Variants in LGR4 observed in about 807,000 individuals in gnomAD.
LGR4 encodes leucine-rich repeat-containing G protein-coupled receptor 4.
LGR4 carries 44 observed loss-of-function variants against 84.8 expected under a neutral mutation model. The ratio of observed to expected loss-of-function variants is 0.52; its 90% CI spans 0.41 to 0.67. The LOEUF (loss-of-function observed/expected upper bound fraction) is 0.67. Among genes scored for constraint, LGR4 ranks in the 30% least tolerant of loss-of-function variants. The probability of loss-of-function intolerance (pLI) is 0.00; values close to 1 mark genes in which losing one functional copy is unlikely to be tolerated. For missense variants in LGR4, 1,032 were observed against 1,131.4 expected (o/e 0.91, Z 1.26); for synonymous variants, 429 against 434.3 (o/e 0.99, Z 0.15).
rs1863001442 is a variant in LGR4 at position 27,377,231 on chromosome 11, CA to C, written c.1044-9del. The C allele has an allele frequency of 7.0e-7, 1 of 1,436,916 alleles. No homozygotes were observed. The highest frequency in any genetic ancestry group is 1.8e-5 in the Admixed American group (1 of 55,832). 89.0% of individuals were successfully genotyped at this position (1,436,916 alleles called of 1,614,324 possible). A position where few individuals can be genotyped will look rare whatever the true frequency, so the allele number is the denominator to read the frequency against. ...TTATTGTAAGACAAGTCCCTTAAAA[CA>C]ATGGAAATTAACAAATTAATGCTAT... is the stretch of plus-strand genomic sequence containing the variant. On this transcript the variant is annotated splice_polypyrimidine_tract_variant and intron_variant, in intron 11 of 17. Transcript: ENST00000379214.
intron 2 of LGR4, among the ~76,000 whole-genome samples, chr11:27,399,804 C>A (rs969740704): frequency 4.6e-5 from 7 of 152,282 alleles, no homozygotes; most frequent in Non-Finnish European, 1.0e-4. Flanking sequence ...CAGGCATGAG[C>A]CACCGCACCC....
chr11:27,389,759 G>A (rs968544988), intron 4 of LGR4, among the ~76,000 whole-genome samples: 1 of 152,148 alleles, frequency 6.6e-6, no homozygotes, highest in African/African-American at 2.4e-5. Flanking sequence ...GAGGTCAGAT[G>A]ACTTGTCCTG....
intron 14 of LGR4, 112 bp from the exon 15 acceptor site, chr11:27,373,788 G>C (rs115220147): frequency 8.9e-7 from 1 of 1,128,962 alleles, no homozygotes; most frequent in Non-Finnish European, 1.3e-6. Context: ...GTTCAAGTGG[G>C]GGTGCTAAAA....
intron 1 of LGR4, 92 bp from the exon 2 acceptor site, chr11:27,412,952 T>G (rs534613502): frequency 8.2e-6 from 7 of 853,484 alleles, no homozygotes; most frequent in Admixed American, 1.9e-5. Flanking sequence ...TGTTACAATT[T>G]TGTGAAAGAG....
At position 27,384,449 on chromosome 11, in the gene LGR4, A is replaced by C. The variant is rs1863151535; in HGVS notation, c.618-42T>G. On this transcript the variant is annotated intron_variant, in intron 5 of 17. Transcript: ENST00000379214. The stretch of plus-strand genomic sequence containing the variant: ...GCATAAAATGACTTTTCCATCTCCC[A>C]TTGGCAACTATTATCATTGTTTTAT... The C allele has an allele frequency of 2.3e-6, 3 of 1,285,986 alleles. No homozygotes were observed. In the East Asian group the frequency reaches 6.9e-5, roughly 30 times the overall value. The allele number at this position is 1,285,986 out of a possible 1,614,324, so 79.7% of individuals were successfully genotyped here. A position where few individuals can be genotyped will look rare whatever the true frequency, so the allele number is the denominator to read the frequency against.
At chr11:27,401,762 C>T (rs1863508803) in intron 2 of LGR4, among the ~76,000 whole-genome samples, 1 of 152,148 alleles carries the variant, frequency 6.6e-6, no homozygotes, top group Non-Finnish European at 1.5e-5. Flanking sequence ...TTAACCCCTC[C>T]CTCAATTTCA....
Position 27,372,276 on chromosome 11 carries a change from C to CA in LGR4, c.1495+6dup. 1.3e-6 allele frequency: 2 copies of CA among 1,523,006 alleles called. No homozygotes were observed. The highest frequency in any genetic ancestry group is 1.8e-6 in the Non-Finnish European group (2 of 1,097,318). The allele number at this position is 1,523,006 out of a possible 1,614,324, so 94.3% of individuals were successfully genotyped here. ...AGTGTTCTATTTTTTGAAACTCATGCACTTGCCTTTCTCCTGTGCCACACT... is the reference window on the plus strand; with the variant it reads ...AGTGTTCTATTTTTTGAAACTCATGCAACTTGCCTTTCTCCTGTGCCACACT... On this transcript the variant is annotated splice_region_variant and intron_variant, in intron 16 of 17. Transcript: ENST00000379214.
chr11:27,471,944 G>C, intron 1 of LGR4, 174 bp downstream of exon 1: 1 of 384,252 alleles, frequency 2.6e-6, no homozygotes, highest in South Asian at 1.3e-4. Flanking sequence ...AAAGCCCGTG[G>C]CACAGGAGTG....
At position 27,368,593 on chromosome 11, in the gene LGR4, T is replaced by C. The variant is rs768059581; in HGVS notation, c.2130A>G (p.Leu710=). The change falls in exon 18 of 18, where the codon TTA becomes TTG. Residue 710 remains leucine, a synonymous_variant. Transcript: ENST00000379214. ...AAAATGCTAGTGAGTTTAATAGCAC[T>C]AACGTTACAGTGAATCCTAATGATG... is the stretch of plus-strand genomic sequence containing the variant. ...ETPSLGFTVT[L]VLLNSLAFLL... is the part of the protein sequence containing the mutation. 10 of 1,613,826 alleles carry C rather than the reference T, an allele frequency of 6.2e-6. No homozygotes were observed. The highest frequency in any genetic ancestry group is 8.5e-6 in the Non-Finnish European group (10 of 1,179,916).
intron 16 of LGR4, among the ~76,000 whole-genome samples, chr11:27,372,051 G>GCT (rs1554964913): frequency 6.6e-6 from 1 of 152,066 alleles, no homozygotes; most frequent in Non-Finnish European, 1.5e-5. Context: ...TTTTTATATA[G>GCT]AGAGAGTCTC....
At chr11:27,373,951 A>G in intron 14 of LGR4, 24 bp downstream of exon 14, 7 of 1,513,780 alleles carry the variant, frequency 4.6e-6, no homozygotes, top group Non-Finnish European at 6.4e-6. Flanking sequence ...CTTTCATGAC[A>G]TTACTGCATA....
At chr11:27,454,808 C>T (rs987404890) in intron 1 of LGR4, among the ~76,000 whole-genome samples, 4 of 150,794 alleles carry the variant, frequency 2.7e-5, no homozygotes, top group African/African-American at 9.8e-5. Flanking sequence ...CATTTTTATT[C>T]ACCTCCACAA....
chr11:27,386,664 T>G (rs1292738530), intron 4 of LGR4, among the ~76,000 whole-genome samples: 1 of 152,118 alleles, frequency 6.6e-6, no homozygotes, highest in African/African-American at 2.4e-5. Context: ...GGGCCCCTGG[T>G]CCCAATTAAC....
At chr11:27,380,776 T>C (rs1327563717) in intron 8 of LGR4, 65 bp from the exon 9 acceptor site, 1 of 1,249,440 alleles carries the variant, frequency 8.0e-7, no homozygotes. Flanking sequence ...ATTAACTCTA[T>C]GTTCACAATG....
chr11:27,388,390 T>C (rs1863224905), intron 4 of LGR4, among the ~76,000 whole-genome samples: 1 of 152,216 alleles, frequency 6.6e-6, no homozygotes, highest in African/African-American at 2.4e-5. Flanking sequence ...AAGTAGATGC[T>C]GAAAAGCATC....
chr11:27,449,707 T>C (rs1288878048), intron 1 of LGR4, among the ~76,000 whole-genome samples: 2 of 152,174 alleles, frequency 1.3e-5, no homozygotes, highest in Non-Finnish European at 2.9e-5. Flanking sequence ...AATTATATCA[T>C]TTCTGAGAAA....
chr11:27,397,150 A>G (rs1863407168), intron 2 of LGR4, among the ~76,000 whole-genome samples: 1 of 152,120 alleles, frequency 6.6e-6, no homozygotes, highest in Admixed American at 6.6e-5. Flanking sequence ...CACACCATGC[A>G]TTGCCACCTC....
At chr11:27,396,173 A>G (rs529626948) in intron 2 of LGR4, among the ~76,000 whole-genome samples, 14 of 152,292 alleles carry the variant, frequency 9.2e-5, no homozygotes, top group African/African-American at 3.4e-4. Context: ...GGCTGGCTGA[A>G]ATACTTATCC....
At position 27,436,929 on chromosome 11, in the gene LGR4, G is replaced by A. The variant is rs567940064; in HGVS notation, c.186-24069C>T. ...ATAGGAGGGGGTGTTGAAGGGAGAT[G>A]GAGGGATTTGAGGGGGTGGGAATGG... On this transcript the variant is annotated intron_variant, in intron 1 of 17. Coordinates refer to ENST00000379214, the MANE Select transcript of LGR4 (RefSeq NM_018490.5). Among the ~76,000 whole-genome samples the A allele has an allele frequency of 9.3e-4, 142 of 152,236 alleles. No homozygotes were observed. In the South Asian group the frequency reaches 0.028, roughly 30 times the overall value.
Sources: gnomAD v4.1 joint callset for allele counts (sites outside exome capture counted in the v4.1 genomes callset) on GRCh38, gnomAD v4.1.1 for gene constraint, MANE v1.5 for transcripts, NCBI Gene and HGNC (gene_info 2026-07-23, HGNC 2026-07-21) for gene names.